PLXNA4: variants seen among roughly 807,000 people sequenced by gnomAD.
The protein encoded by PLXNA4 is plexin A4, also known as plexin-A4.
Under a neutral mutation model 191.8 loss-of-function variants are expected in PLXNA4, and 44 were observed. The ratio of observed to expected loss-of-function variants is 0.23; its 90% CI spans 0.18 to 0.29. The LOEUF (loss-of-function observed/expected upper bound fraction) is 0.29. Among genes scored for constraint, PLXNA4 ranks in the 10% least tolerant of loss-of-function variants. The pLI, the probability that PLXNA4 is intolerant of heterozygous loss-of-function variation, is 1.00. For synonymous variants in PLXNA4, 1,082 were observed against 1,009.5 expected, an observed-to-expected ratio of 1.07 and a Z score of -1.36; for missense variants, 1,800 against 2,488.8, an observed-to-expected ratio of 0.72 and a Z score of 5.89.
intron 3 of PLXNA4, among the ~76,000 whole-genome samples, chr7:132,379,973 C>A (rs1009634742): frequency 6.6e-6 from 1 of 152,146 alleles, no homozygotes; most frequent in Non-Finnish European, 1.5e-5. Context: ...TTGCCACCAC[C>A]GTCACCCCTC....
chr7:132,353,694 T>C (rs754144965), intron 3 of PLXNA4, among the ~76,000 whole-genome samples: 6 of 152,292 alleles, frequency 3.9e-5, no homozygotes, highest in East Asian at 1.9e-4. Flanking sequence ...CCTCTGCTGT[T>C]CTTATTTGAC....
intron 3 of PLXNA4, among the ~76,000 whole-genome samples, chr7:132,365,356 T>TGCGCGCGCGCGTGC (rs1382113654): frequency 3.4e-5 from 3 of 87,670 alleles, no homozygotes; most frequent in African/African-American, 1.7e-4. Flanking sequence ...TGTGTGTGTG[T>TGCGCGCGCGCGTGC]GTGTGCGTGC....
intron 4 of PLXNA4, among the ~76,000 whole-genome samples, chr7:132,276,359 GA>G (rs1161179341): frequency 6.6e-6 from 1 of 152,056 alleles, no homozygotes; most frequent in African/African-American, 2.4e-5. Flanking sequence ...CATTGAGATG[GA>G]AAATAAAGTA....
intron 3 of PLXNA4, among the ~76,000 whole-genome samples, chr7:132,303,112 A>T (rs906380075): frequency 2.6e-5 from 4 of 151,720 alleles, no homozygotes; most frequent in African/African-American, 4.8e-5. Context: ...CGACCTCGTG[A>T]TCTGCCCGCC....
chr7:132,505,533 C>A (rs1798429568), intron 2 of PLXNA4, among the ~76,000 whole-genome samples: 1 of 152,172 alleles, frequency 6.6e-6, no homozygotes, highest in Admixed American at 6.5e-5. Flanking sequence ...CATAGGCCTG[C>A]ATATGTGTGC....
chr7:132,499,142 A>G (rs1798145974), intron 2 of PLXNA4, among the ~76,000 whole-genome samples: 1 of 152,230 alleles, frequency 6.6e-6, no homozygotes, highest in Non-Finnish European at 1.5e-5. Context: ...CACCCCTTCT[A>G]GGGGTTGCTG....
At chr7:132,634,079 C>G (rs1043902415) in intron 2 of PLXNA4, among the ~76,000 whole-genome samples, 18 of 152,076 alleles carry the variant, frequency 1.2e-4, no homozygotes, top group African/African-American at 4.1e-4. Flanking sequence ...GAGTTCCAAG[C>G]TAAGAAATCC....
At chr7:132,305,339 A>G (rs1167256950) in intron 3 of PLXNA4, among the ~76,000 whole-genome samples, 3 of 148,940 alleles carry the variant, frequency 2.0e-5, no homozygotes, top group Non-Finnish European at 4.4e-5. Flanking sequence ...GCACTACTCC[A>G]CACTACATGC....
At chr7:132,305,173 G>T (rs1801462233) in intron 3 of PLXNA4, among the ~76,000 whole-genome samples, 2 of 152,168 alleles carry the variant, frequency 1.3e-5, no homozygotes, top group South Asian at 4.1e-4. Context: ...CACCTAGACG[G>T]TGGTGGGCAT....
At chr7:132,515,378 T>A (rs534002500) in intron 1 of PLXNA4, among the ~76,000 whole-genome samples, 76 of 152,260 alleles carry the variant, frequency 5.0e-4, no homozygotes, top group African/African-American at 1.8e-3. Flanking sequence ...GTTACGCAAG[T>A]CAAAAAAAAT....
At chr7:132,326,501 GCC>G (rs1408660248) in intron 3 of PLXNA4, among the ~76,000 whole-genome samples, 1 of 151,844 alleles carries the variant, frequency 6.6e-6, no homozygotes, top group East Asian at 1.9e-4. Context: ...TCCTACTCTT[GCC>G]CCTGCTCATT....
intron 21 of PLXNA4, among the ~76,000 whole-genome samples, chr7:132,172,765 A>ATAAT (rs1306426318): frequency 6.6e-6 from 1 of 151,382 alleles, no homozygotes; most frequent in Admixed American, 6.6e-5. Context: ...AAGTATAATA[A>ATAAT]TAATAATAAT....
intron 1 of PLXNA4, among the ~76,000 whole-genome samples, chr7:132,512,693 T>C (rs1798772128): frequency 6.6e-6 from 1 of 152,142 alleles, no homozygotes; most frequent in Admixed American, 6.5e-5. Context: ...GACCCACAGA[T>C]ATGCAGAGCC....
intron 3 of PLXNA4, among the ~76,000 whole-genome samples, chr7:132,392,404 A>C (rs1468435970): frequency 6.6e-6 from 1 of 152,238 alleles, no homozygotes; most frequent in African/African-American, 2.4e-5. Flanking sequence ...CCTGTCTTTC[A>C]GACTCACTCT....
intron 3 of PLXNA4, among the ~76,000 whole-genome samples, chr7:132,436,067 C>T (rs1412197447): frequency 1.3e-5 from 2 of 152,236 alleles, no homozygotes; most frequent in African/African-American, 4.8e-5. Flanking sequence ...GGTTTTCTTC[C>T]AATCCACATA....
chr7:132,175,575 G>A (rs1584796467), intron 20 of PLXNA4, among the ~76,000 whole-genome samples: 1 of 152,322 alleles, frequency 6.6e-6, no homozygotes, highest in Non-Finnish European at 1.5e-5. Context: ...CTGCATGTGG[G>A]CACTGCTGTG....
intron 5 of PLXNA4, among the ~76,000 whole-genome samples, chr7:132,240,271 T>G (rs1242179424): frequency 6.6e-6 from 1 of 152,226 alleles, no homozygotes; most frequent in Non-Finnish European, 1.5e-5. Flanking sequence ...CTCCAGGTAT[T>G]GATGGCAAGG....
At chr7:132,156,911 G>A (rs1008847659) in intron 25 of PLXNA4, among the ~76,000 whole-genome samples, 1 of 152,154 alleles carries the variant, frequency 6.6e-6, no homozygotes, top group African/African-American at 2.4e-5. Context: ...CTAAACTCTA[G>A]ATTTAAAAGG....
At chr7:132,501,643 C>G (rs532669275) in intron 2 of PLXNA4, among the ~76,000 whole-genome samples, 2 of 152,226 alleles carry the variant, frequency 1.3e-5, no homozygotes, top group Admixed American at 1.3e-4. Flanking sequence ...GGGACTTTTA[C>G]TGCAAACCCT....
Sources: allele counts gnomAD v4.1 joint callset (sites outside exome capture counted in the v4.1 genomes callset), GRCh38; gene constraint gnomAD v4.1.1; transcripts MANE v1.5; gene names NCBI Gene and HGNC (gene_info 2026-07-23, HGNC 2026-07-21).